PPP4R3B: variants seen among roughly 807,000 people sequenced by gnomAD.
The protein encoded by PPP4R3B is protein phosphatase 4 regulatory subunit 3B, also known as serine/threonine-protein phosphatase 4 regulatory subunit 3B.
In PPP4R3B, 52 loss-of-function variants were observed where a neutral mutation model predicts 95.4. The ratio of observed to expected loss-of-function variants is 0.54; its 90% CI spans 0.44 to 0.69. The LOEUF is 0.69. PPP4R3B is among the 30% of genes least tolerant of loss of function. PPP4R3B has a pLI of 0.00. For missense variants in PPP4R3B, 1,003 were observed against 1,005.9 expected, an observed-to-expected ratio of 1.00 and a Z score of 0.04; for synonymous variants, 407 against 343.9, an observed-to-expected ratio of 1.18 and a Z score of -2.03.
intron 15 of PPP4R3B, among the ~76,000 whole-genome samples, chr2:55,560,611 T>C (rs1686468820): frequency 6.6e-6 from 1 of 151,822 alleles, no homozygotes; most frequent in African/African-American, 2.4e-5. Context: ...ACCCTGTCTC[T>C]ACTAAAAATA....
chr2:55,604,553 AG>A (rs1693116521), intron 2 of PPP4R3B, among the ~76,000 whole-genome samples: 1 of 151,876 alleles, frequency 6.6e-6, no homozygotes, highest in Admixed American at 6.6e-5. Context: ...AAAAGACTTC[AG>A]GATCTTAAGA....
rs776384716 is a variant in PPP4R3B at position 55,617,258 on chromosome 2, C to A, written c.28G>T (p.Val10Phe). 2.5e-6 allele frequency: 4 copies of A among 1,605,284 alleles called. No individual in the cohort carries two copies. In the South Asian group the frequency reaches 3.3e-5, roughly 13 times the overall value. The stretch of plus-strand genomic sequence containing the variant: ...TGCCGGTCTTCGTTCAGGGTATAGA[C>A]CTTCACTCGCCGCCGCGTATCCGAC... Reference protein sequence around the residue: MSDTRRRVKVYTLNEDRQWD... With the variant: MSDTRRRVKFYTLNEDRQWD... The change falls in exon 1 of 17, where the codon GTC (valine) becomes TTC (phenylalanine). Residue 10 changes from valine (V) to phenylalanine (F), a missense_variant. By Grantham distance (50) the Val-to-Phe change is conservative. Transcript: ENST00000616407.
At chr2:55,592,515 C>T (rs145514344) in intron 4 of PPP4R3B, among the ~76,000 whole-genome samples, 48 of 152,216 alleles carry the variant, frequency 3.2e-4, no homozygotes, top group African/African-American at 1.1e-3. Context: ...AGCCCTATTA[C>T]TCTAAACAGT....
chr2:55,587,880 T>C (rs1255424450), intron 5 of PPP4R3B, among the ~76,000 whole-genome samples: 4 of 152,172 alleles, frequency 2.6e-5, no homozygotes, highest in Admixed American at 2.6e-4. Flanking sequence ...CAAAGATGAC[T>C]TAGAGGTTTT....
chr2:55,595,126 C>T (rs1691586852), intron 4 of PPP4R3B, among the ~76,000 whole-genome samples: 1 of 151,644 alleles, frequency 6.6e-6, no homozygotes, highest in Admixed American at 6.6e-5. Flanking sequence ...TCGGTTCAAG[C>T]AATTCTCCCA....
intron 4 of PPP4R3B, among the ~76,000 whole-genome samples, chr2:55,597,999 C>T (rs538942714): frequency 1.8e-4 from 27 of 152,134 alleles, no homozygotes; most frequent in Non-Finnish European, 3.2e-4. Flanking sequence ...GGGCGGACTG[C>T]CTGAGCTCAG....
At chr2:55,554,298 C>G (rs1685577016) in intron 16 of PPP4R3B, among the ~76,000 whole-genome samples, 1 of 152,232 alleles carries the variant, frequency 6.6e-6, no homozygotes. Context: ...AAGCGATGCT[C>G]CTGCCTCGGC....
At chr2:55,566,521 C>A (rs1687313958) in intron 13 of PPP4R3B, among the ~76,000 whole-genome samples, 1 of 152,134 alleles carries the variant, frequency 6.6e-6, no homozygotes, top group African/African-American at 2.4e-5. Context: ...AACCATGTTC[C>A]TTCTTTTACC....
intron 8 of PPP4R3B, among the ~76,000 whole-genome samples, chr2:55,580,153 G>A (rs1230697131): frequency 6.6e-6 from 1 of 152,094 alleles, no homozygotes; most frequent in African/African-American, 2.4e-5. Context: ...AATATGAAAC[G>A]CAGTGAAGAA....
chr2:55,602,684 G>GT (rs1387536029), intron 3 of PPP4R3B, among the ~76,000 whole-genome samples: 3 of 152,342 alleles, frequency 2.0e-5, no homozygotes, highest in South Asian at 2.1e-4. Context: ...GCTGGGAGAA[G>GT]TAAGTGCTGT....
chr2:55,563,591 T>C (rs1574702668), intron 15 of PPP4R3B, among the ~76,000 whole-genome samples: 1 of 152,000 alleles, frequency 6.6e-6, no homozygotes, highest in Admixed American at 6.6e-5. Flanking sequence ...CCAGGGTGGT[T>C]TGGAACTCCT....
intron 7 of PPP4R3B, among the ~76,000 whole-genome samples, chr2:55,584,760 T>C (rs1382569416): frequency 6.6e-6 from 1 of 152,228 alleles, no homozygotes; most frequent in Non-Finnish European, 1.5e-5. Flanking sequence ...CTCCTAAGGC[T>C]TGAAATTACA....
intron 8 of PPP4R3B, among the ~76,000 whole-genome samples, chr2:55,580,479 G>A (rs1689305343): frequency 1.3e-5 from 2 of 152,082 alleles, no homozygotes; most frequent in African/African-American, 2.4e-5. Context: ...GAATAAAAAT[G>A]TTTAGAAAGA....
chr2:55,560,008 G>C lies in PPP4R3B; in HGVS notation c.2261-1040C>G, dbSNP rs953071900. Among the ~76,000 whole-genome samples the C allele has an allele frequency of 2.0e-5, 3 of 152,142 alleles. No homozygotes were observed. The South Asian group carries it at 6.2e-4, about 32-fold the overall frequency. Reference sequence around the variant, plus strand: ...GTGGTGGTGCACACCTATAATCCCAGCTGCTCTGGTGGCTGAGGCAGGAGA... The same window carrying C: ...GTGGTGGTGCACACCTATAATCCCACCTGCTCTGGTGGCTGAGGCAGGAGA... On this transcript the variant is annotated intron_variant, in intron 15 of 16. Transcript: ENST00000616407.
chr2:55,552,306 CT>C (rs1221057316), intron 16 of PPP4R3B, among the ~76,000 whole-genome samples: 1 of 130,152 alleles, frequency 7.7e-6, no homozygotes, highest in Non-Finnish European at 1.7e-5. Context: ...TATATTTACT[CT>C]TTTACAATCA....
At chr2:55,562,073 C>A (rs1034345501) in intron 15 of PPP4R3B, among the ~76,000 whole-genome samples, 1 of 152,120 alleles carries the variant, frequency 6.6e-6, no homozygotes, top group Non-Finnish European at 1.5e-5. Context: ...AGGCAGAAAA[C>A]CCCCTTGCTA....
At chr2:55,579,342 A>G (rs1574781270) in intron 9 of PPP4R3B, among the ~76,000 whole-genome samples, 1 of 152,012 alleles carries the variant, frequency 6.6e-6, no homozygotes. Flanking sequence ...TTTGGCGACA[A>G]TGCTTTCTTT....
chr2:55,597,846 G>A (rs1692017730), intron 4 of PPP4R3B, among the ~76,000 whole-genome samples: 1 of 152,136 alleles, frequency 6.6e-6, no homozygotes, highest in African/African-American at 2.4e-5. Flanking sequence ...TGAATTTTAT[G>A]TTATGTATAT....
intron 16 of PPP4R3B, among the ~76,000 whole-genome samples, chr2:55,552,199 A>C (rs1685327186): frequency 6.6e-6 from 1 of 152,222 alleles, no homozygotes; most frequent in Non-Finnish European, 1.5e-5. Flanking sequence ...TGTTGGAAGT[A>C]AAAAGGCCTG....
Sources: gnomAD v4.1 joint callset for allele counts (sites outside exome capture counted in the v4.1 genomes callset) on GRCh38, gnomAD v4.1.1 for gene constraint, MANE v1.5 for transcripts, NCBI Gene and HGNC (gene_info 2026-07-23, HGNC 2026-07-21) for gene names.